The following MYT1L variants were observed in gnomAD, a reference collection of about 807,000 sequenced individuals.
MYT1L encodes myelin transcription factor 1-like protein.
MYT1L carries 12 observed loss-of-function variants against 126.7 expected under a neutral mutation model. The ratio of observed to expected loss-of-function variants is 0.09; its 90% CI spans 0.06 to 0.15. The LOEUF (loss-of-function observed/expected upper bound fraction) is 0.15. Among genes scored for constraint, MYT1L ranks in the 10% least tolerant of loss-of-function variants. The probability of loss-of-function intolerance (pLI) is 1.00; values close to 1 mark genes in which losing one functional copy is unlikely to be tolerated. For missense variants in MYT1L, 979 were observed against 1,585.2 expected (o/e 0.62, Z 6.49); for synonymous variants, 541 against 604.2 (o/e 0.90, Z 1.53).
At chr2:2,007,590 A>T (rs773192304) in intron 4 of MYT1L, among the ~76,000 whole-genome samples, 2 of 152,208 alleles carry the variant, frequency 1.3e-5, no homozygotes, top group Non-Finnish European at 2.9e-5. Flanking sequence ...CTTCGGAACA[A>T]AGGGAAAGGT....
chr2:2,318,485 C>G (rs2149671734), intron 1 of MYT1L, among the ~76,000 whole-genome samples: 1 of 152,306 alleles, frequency 6.6e-6, no homozygotes, highest in African/African-American at 2.4e-5. Flanking sequence ...CATTTCTTGG[C>G]TGGCACCATG....
intron 8 of MYT1L, among the ~76,000 whole-genome samples, chr2:1,948,239 C>G (rs771581247): frequency 2.0e-4 from 31 of 152,358 alleles, no homozygotes; most frequent in Non-Finnish European, 2.9e-4. Context: ...CATCTGGCGT[C>G]AAACTTCCAG....
chr2:2,301,379 T>C (rs2095782413), intron 1 of MYT1L, among the ~76,000 whole-genome samples: 1 of 152,212 alleles, frequency 6.6e-6, no homozygotes. Context: ...GGTAGACACA[T>C]TCATTTTTTC....
In MYT1L at chr2:2,298,085, G is replaced by C. The variant is rs541729516; in HGVS notation, c.-520-13582C>G. On this transcript the variant is annotated intron_variant, in intron 1 of 24. Transcript: ENST00000647738. ...TGCCCTAACAAAGCTATGCTGTGAG[G>C]ACCAGTTTGTTCTCTGATTAAGCCT... Among the ~76,000 whole-genome samples, 3 of 152,312 alleles carry C rather than the reference G, an allele frequency of 2.0e-5. No homozygotes were observed. The East Asian group carries it at 5.8e-4, about 29-fold the overall frequency.
chr2:2,166,075 C>T (rs917832803), intron 3 of MYT1L, among the ~76,000 whole-genome samples: 2 of 152,190 alleles, frequency 1.3e-5, no homozygotes, highest in Non-Finnish European at 2.9e-5. Flanking sequence ...ATTAGGCAGA[C>T]GTTGTTAACT....
chr2:2,262,692 CAAAAA>C (rs1239154235), intron 2 of MYT1L, among the ~76,000 whole-genome samples: 1 of 105,970 alleles, frequency 9.4e-6, no homozygotes, highest in Non-Finnish European at 2.0e-5. Context: ...GACTCCATCT[CAAAAA>C]AAAAAAAAAA....
At chr2:2,083,405 C>T (rs1263537385) in intron 3 of MYT1L, among the ~76,000 whole-genome samples, 2 of 152,200 alleles carry the variant, frequency 1.3e-5, no homozygotes, top group African/African-American at 2.4e-5. Context: ...TCCCACAGCC[C>T]GCTGTCACAG....
chr2:2,314,720 A>C (rs536166614), intron 1 of MYT1L, among the ~76,000 whole-genome samples: 1 of 152,204 alleles, frequency 6.6e-6, no homozygotes, highest in Admixed American at 6.5e-5. Flanking sequence ...CTCCCTCAAG[A>C]CAATCCTAAG....
chr2:2,089,863 C>T (rs560565002), intron 3 of MYT1L, among the ~76,000 whole-genome samples: 22 of 152,280 alleles, frequency 1.4e-4, no homozygotes, highest in African/African-American at 5.3e-4. Flanking sequence ...AGTCACTTGA[C>T]CTTTTCCTGG....
intron 12 of MYT1L, among the ~76,000 whole-genome samples, chr2:1,911,075 C>T (rs2051903227): frequency 1.3e-5 from 2 of 152,168 alleles, no homozygotes; most frequent in African/African-American, 4.8e-5. Flanking sequence ...AAAAATACGC[C>T]TGTGCTGAGG....
At position 2,004,751 on chromosome 2, in the gene MYT1L, C is replaced by T. The variant is rs1015144413; in HGVS notation, c.-157-7404G>A. Reference sequence around the variant, plus strand: ...TCCTGCGTGCCTTCTTTCCTGCAGGCGTTCTTTCCTGAATACGTTCTTTCC... The same window carrying T: ...TCCTGCGTGCCTTCTTTCCTGCAGGTGTTCTTTCCTGAATACGTTCTTTCC... On this transcript the variant is annotated intron_variant, in intron 4 of 24. Transcript: ENST00000647738. 1.2e-4 allele frequency among the ~76,000 whole-genome samples: 18 copies of T among 148,464 alleles called. 1 individual carries two copies. The highest frequency in any genetic ancestry group is 4.5e-4 in the African/African-American group (18 of 39,880).
chr2:2,251,319 A>C (rs931827955), intron 2 of MYT1L, among the ~76,000 whole-genome samples: 25 of 152,188 alleles, frequency 1.6e-4, no homozygotes, highest in African/African-American at 5.8e-4. Flanking sequence ...ATAATGACCT[A>C]GACGTGGAGA....
chr2:1,935,430 C>A (rs1404143768), intron 9 of MYT1L, among the ~76,000 whole-genome samples: 1 of 152,036 alleles, frequency 6.6e-6, no homozygotes, highest in African/African-American at 2.4e-5. Flanking sequence ...GGGAGGGGGT[C>A]ATGGATGTTA....
intron 8 of MYT1L, among the ~76,000 whole-genome samples, chr2:1,969,535 T>C (rs1391309765): frequency 2.6e-5 from 4 of 152,194 alleles, no homozygotes; most frequent in Non-Finnish European, 5.9e-5. Flanking sequence ...CAGGTGACGC[T>C]GATGTTCTGG....
At chr2:1,906,023 G>T (rs929887387) in intron 13 of MYT1L, among the ~76,000 whole-genome samples, 1 of 152,044 alleles carries the variant, frequency 6.6e-6, no homozygotes, top group Non-Finnish European at 1.5e-5. Context: ...CAGGTAACAG[G>T]TTTAAAACTA....
At chr2:2,226,323 G>A (rs2094007877) in intron 2 of MYT1L, among the ~76,000 whole-genome samples, 1 of 151,172 alleles carries the variant, frequency 6.6e-6, no homozygotes, top group Non-Finnish European at 1.5e-5. Flanking sequence ...GAGGAATGAA[G>A]CATATTTGTT....
intron 3 of MYT1L, among the ~76,000 whole-genome samples, chr2:2,078,972 A>G (rs1282793957): frequency 2.0e-5 from 3 of 152,212 alleles, no homozygotes; most frequent in Non-Finnish European, 4.4e-5. Flanking sequence ...TGGAGCCCAT[A>G]TAGAGTAGCC....
At chr2:2,195,962 G>A (rs1273659449) in intron 2 of MYT1L, among the ~76,000 whole-genome samples, 1 of 152,060 alleles carries the variant, frequency 6.6e-6, no homozygotes, top group Non-Finnish European at 1.5e-5. Context: ...GGAGAGGCAA[G>A]AGGAGCAAAA....
intron 2 of MYT1L, among the ~76,000 whole-genome samples, chr2:2,276,238 C>A (rs999505184): frequency 2.0e-5 from 3 of 152,076 alleles, no homozygotes; most frequent in Non-Finnish European, 4.4e-5. Flanking sequence ...GGGTGTACAC[C>A]CTTGCGTGCC....
Sources: allele counts gnomAD v4.1 joint callset (sites outside exome capture counted in the v4.1 genomes callset), GRCh38; gene constraint gnomAD v4.1.1; transcripts MANE v1.5; gene names NCBI Gene and HGNC (gene_info 2026-07-23, HGNC 2026-07-21).